Variants in PRM2 observed in about 807,000 individuals in gnomAD.
PRM2 encodes the protein protamine-2.
In PRM2, 6 loss-of-function variants were observed where a neutral mutation model predicts 10.7. That is an observed-to-expected ratio of 0.56 (90% CI 0.31 to 1.11). The LOEUF is 1.11. Among genes scored for constraint, PRM2 ranks in the 50% least tolerant of loss-of-function variants. PRM2 has a pLI of 0.06. For missense variants in PRM2, 194 were observed against 147.7 expected (o/e 1.31, Z -1.62); for synonymous variants, 64 against 54.8 (o/e 1.17, Z -0.74).
In PRM2 at chr16:11,275,807, G is replaced by C; in HGVS notation, c.*93C>G. On this transcript the variant is annotated 3_prime_UTR_variant, in exon 2 of 2. Transcript: ENST00000241808. ...TCTCTTAACTTCCAGCTGGGGGCTT[G>C]AGCATTTGATGTAGGGGAATTGCTA... is the stretch of plus-strand genomic sequence containing the variant. The C allele has an allele frequency of 3.1e-6, 5 of 1,601,072 alleles. No individual in the cohort carries two copies. Among genetic ancestry groups the C allele is most frequent in the Non-Finnish European group, 4.3e-6 (5 of 1,175,084 alleles).
chr16:11,276,129 G>C lies in PRM2; in HGVS notation c.242C>G (p.Ser81Cys), dbSNP rs150112990. The change falls in exon 1 of 2, where the codon TCC (serine) becomes TGC (cysteine). Residue 81 changes from serine to cysteine, a missense_variant. Ser to Cys is a moderately radical substitution (Grantham distance 112). Transcript: ENST00000241808. ...HRSCRRRKRR[S>C]CRHRRRHRRG... ...GCGATGCCTCCTCCGGTGCCTGCAG[G>C]AGCGTCTTTTGCGCCTTCTGCAGGA... is the stretch of plus-strand genomic sequence containing the variant. 2.5e-6 allele frequency: 4 copies of C among 1,612,900 alleles called. No homozygotes were observed. Among genetic ancestry groups the C allele is most frequent in the Middle Eastern group, 3.3e-4 (2 of 6,062 alleles).
Position 11,275,919 on chromosome 16 carries a change from C to A in PRM2, c.290G>T (p.Arg97Ile). ...RHRRGCRTRK[R>I]TCRRH ...GGAAGCTTAGTGCCTTCTGCATGTT[C>A]TCTTCCTGGTTCTGCAGCCTTTTGG... Residue 97 changes from arginine to isoleucine, a missense_variant, in exon 2 of 2, where the codon AGA becomes ATA. Coordinates refer to ENST00000241808, the MANE Select transcript of PRM2 (RefSeq NM_002762.4). 6.2e-7 allele frequency: 1 copy of A among 1,614,020 alleles called. No individual in the cohort carries two copies. The highest frequency in any genetic ancestry group is 8.5e-7 in the Non-Finnish European group (1 of 1,179,994).
rs997110743 is a variant in PRM2, at chr16:11,276,456, C to G, written c.-86G>C. 17 of 1,564,254 alleles carry G rather than the reference C, an allele frequency of 1.1e-5. No individual in the cohort carries two copies. Among genetic ancestry groups the G allele is most frequent in the African/African-American group, 2.7e-5 (2 of 73,924 alleles). On this transcript the variant is annotated 5_prime_UTR_variant, in exon 1 of 2. Transcript: ENST00000241808. ...GAGGGCGGAGGCCTGCCCACCTGCC[C>G]TTGGTGTTACTGTTGGTCTGGTCTG...
Position 11,276,317 on chromosome 16 carries a change from C to G in PRM2, c.54G>C (p.Arg18Ser). 2 of 1,614,260 alleles carry G rather than the reference C, an allele frequency of 1.2e-6. No individual in the cohort carries two copies. The highest frequency in any genetic ancestry group is 1.7e-6 in the Non-Finnish European group (2 of 1,180,046). ...CTTGCTCTTGCCCATGCAACTGCTG[C>G]CTGTACACCTCGTGCGAGCGTTCGC... The part of the protein sequence containing the change: ...SLSERSHEVY[R>S]QQLHGQEQGH... Residue 18 changes from arginine (R) to serine (S), a missense_variant, in exon 1 of 2, where the codon AGG becomes AGC. Transcript: ENST00000241808.
In PRM2 at chr16:11,276,267, C is replaced by T; in HGVS notation, c.104G>A (p.Gly35Glu). The T allele has an allele frequency of 6.2e-7, 1 of 1,614,274 alleles. No individual in the cohort carries two copies. Among genetic ancestry groups the T allele is most frequent in the Non-Finnish European group, 8.5e-7 (1 of 1,180,042 alleles). Residue 35 changes from glycine to glutamate, a missense_variant, in exon 1 of 2, where the codon GGG (glycine) becomes GAG (glutamate). By Grantham distance (98) the Gly-to-Glu change is moderately conservative (BLOSUM62 -2). Transcript: ENST00000241808. ...GACCTCGACGTGCTCCGGGCTCAGC[C>T]CTTGCTCCTCTTGGCCGTGGTGTCC... ...EQGHHGQEEQ[G>E]LSPEHVEVYE... is the part of the protein sequence containing the mutation.
intron 1 of PRM2, 79 bp downstream of exon 1, chr16:11,276,021 A>C: frequency 1.2e-6 from 2 of 1,608,852 alleles, no homozygotes; most frequent in South Asian, 2.2e-5. Flanking sequence ...AGCTTTTGTC[A>C]GGTGGGGTGG....
At position 11,276,266 on chromosome 16, in the gene PRM2, C is replaced by T; in HGVS notation, c.105G>A (p.Gly35=). The T allele has an allele frequency of 6.2e-7, 1 of 1,614,268 alleles. No individual in the cohort carries two copies. Among genetic ancestry groups the T allele is most frequent in the Non-Finnish European group, 8.5e-7 (1 of 1,180,046 alleles). ...AGACCTCGACGTGCTCCGGGCTCAG[C>T]CCTTGCTCCTCTTGGCCGTGGTGTC... ...EQGHHGQEEQ[G]LSPEHVEVYE... is the part of the protein sequence containing the mutation. The change falls in exon 1 of 2, where the codon GGG becomes GGA. Residue 35 remains glycine (G), a synonymous_variant. Coordinates refer to ENST00000241808, the MANE Select transcript of PRM2 (RefSeq NM_002762.4).
rs2069868038 is a variant in PRM2 at position 11,276,260 on chromosome 16, G to A, written c.111C>T (p.Ser37=). The A allele has an allele frequency of 4.3e-6, 7 of 1,614,130 alleles. No individual in the cohort carries two copies. The highest frequency in any genetic ancestry group is 5.1e-6 in the Non-Finnish European group (6 of 1,180,046). Residue 37 remains serine (S), a synonymous_variant, in exon 1 of 2, where the codon AGC becomes AGT. Coordinates refer to ENST00000241808, the MANE Select transcript of PRM2 (RefSeq NM_002762.4). The stretch of plus-strand genomic sequence containing the variant: ...TCTCGTAGACCTCGACGTGCTCCGG[G>A]CTCAGCCCTTGCTCCTCTTGGCCGT... ...GHHGQEEQGL[S]PEHVEVYERT... is the part of the protein sequence containing the mutation.
chr16:11,276,059 T>C (rs1597705687), intron 1 of PRM2, 41 bp downstream of exon 1: 1 of 1,610,910 alleles, frequency 6.2e-7, no homozygotes, highest in Non-Finnish European at 8.5e-7. Context: ...GTGCCTGGGG[T>C]GGTCAGGGAC....
chr16:11,275,802 G>T lies in PRM2; in HGVS notation c.*98C>A. 2 of 1,597,500 alleles carry T rather than the reference G, an allele frequency of 1.3e-6. No individual in the cohort carries two copies. The highest frequency in any genetic ancestry group is 1.7e-6 in the Non-Finnish European group (2 of 1,173,434). ...GACTTTCTCTTAACTTCCAGCTGGG[G>T]GCTTGAGCATTTGATGTAGGGGAAT... On this transcript the variant is annotated 3_prime_UTR_variant, in exon 2 of 2. Coordinates refer to ENST00000241808, the MANE Select transcript of PRM2 (RefSeq NM_002762.4).
rs781718931 is a variant in PRM2 at position 11,276,088 on chromosome 16, G to C, written c.271+12C>G. 6 of 1,610,028 alleles carry C rather than the reference G, an allele frequency of 3.7e-6. No individual in the cohort carries two copies. Among genetic ancestry groups the C allele is most frequent in the Non-Finnish European group, 1.7e-6 (2 of 1,179,592 alleles). On this transcript the variant is annotated intron_variant, in intron 1 of 1. Coordinates refer to ENST00000241808, the MANE Select transcript of PRM2 (RefSeq NM_002762.4). ...CAGGGACATGCAGGGCAAGGCGGGG[G>C]CGCAGGCAGACCTCTGCGATGCCTC... is the stretch of plus-strand genomic sequence containing the variant.
Position 11,275,928 on chromosome 16 carries a change from G to C in PRM2, c.281C>G (p.Thr94Ser). ...GTGCCTTCTGCATGTTCTCTTCCTG[G>C]TTCTGCAGCCTTTTGGGAAAGAAAG... ...HRRRHRRGCR[T>S]RKRTCRRH Residue 94 changes from threonine to serine, a missense_variant, in exon 2 of 2, where the codon ACC (threonine) becomes AGC (serine). By Grantham distance (58) the Thr-to-Ser change is moderately conservative. Transcript: ENST00000241808. The C allele has an allele frequency of 6.2e-7, 1 of 1,613,810 alleles. No individual in the cohort carries two copies. Among genetic ancestry groups the C allele is most frequent in the Non-Finnish European group, 8.5e-7 (1 of 1,179,958 alleles).
chr16:11,276,129 G>T lies in PRM2; in HGVS notation c.242C>A (p.Ser81Tyr). Residue 81 changes from serine (S) to tyrosine (Y), a missense_variant, in exon 1 of 2, where the codon TCC (serine) becomes TAC (tyrosine). Coordinates refer to ENST00000241808, the MANE Select transcript of PRM2 (RefSeq NM_002762.4). Reference sequence around the variant, plus strand: ...GCGATGCCTCCTCCGGTGCCTGCAGGAGCGTCTTTTGCGCCTTCTGCAGGA... The same window carrying T: ...GCGATGCCTCCTCCGGTGCCTGCAGTAGCGTCTTTTGCGCCTTCTGCAGGA... ...HRSCRRRKRR[S>Y]CRHRRRHRRG... 6.2e-7 allele frequency: 1 copy of T among 1,612,900 alleles called. No homozygotes were observed. Among genetic ancestry groups the T allele is most frequent in the Non-Finnish European group, 8.5e-7 (1 of 1,179,996 alleles).
Position 11,276,280 on chromosome 16 carries a change from G to T in PRM2, c.91C>A (p.Gln31Lys). The T allele has an allele frequency of 6.2e-7, 1 of 1,614,236 alleles. No individual in the cohort carries two copies. Among genetic ancestry groups the T allele is most frequent in the Non-Finnish European group, 8.5e-7 (1 of 1,180,042 alleles). The change falls in exon 1 of 2, where the codon CAA (glutamine) becomes AAA (lysine). Residue 31 changes from glutamine (Q) to lysine (K), a missense_variant. Physicochemically the swap from Gln to Lys is moderately conservative, Grantham distance 53 (BLOSUM62 1). Coordinates refer to ENST00000241808, the MANE Select transcript of PRM2 (RefSeq NM_002762.4). ...TCCGGGCTCAGCCCTTGCTCCTCTT[G>T]GCCGTGGTGTCCTTGCTCTTGCCCA... The part of the protein sequence containing the change: ...LHGQEQGHHG[Q>K]EEQGLSPEHV...
chr16:11,275,964 G>C, intron 1 of PRM2, 27 bp from the exon 2 acceptor site: 8 of 1,614,038 alleles, frequency 5.0e-6, no homozygotes, highest in East Asian at 2.2e-5. Flanking sequence ...TTCTGGTTGA[G>C]GGGGTCACCT....
rs371266573 is a variant in PRM2 at position 11,276,132 on chromosome 16, C to T, written c.239G>A (p.Arg80His). The change falls in exon 1 of 2, where the codon CGC becomes CAC. Residue 80 changes from arginine to histidine, a missense_variant. Arg to His is a conservative substitution (Grantham distance 29). Transcript: ENST00000241808. ...QHRSCRRRKR[R>H]SCRHRRRHRR... Reference sequence around the variant, plus strand: ...ATGCCTCCTCCGGTGCCTGCAGGAGCGTCTTTTGCGCCTTCTGCAGGAGCG... The same window carrying T: ...ATGCCTCCTCCGGTGCCTGCAGGAGTGTCTTTTGCGCCTTCTGCAGGAGCG... 7.4e-6 allele frequency: 12 copies of T among 1,612,994 alleles called. No homozygotes were observed. The highest frequency in any genetic ancestry group is 9.3e-6 in the Non-Finnish European group (11 of 1,180,008).
rs1182091271 is a variant in PRM2, at chr16:11,276,240, T to C, written c.131A>G (p.Tyr44Cys). The stretch of plus-strand genomic sequence containing the variant: ...GTGAGACTGGCCATGGGTCCTCTCG[T>C]AGACCTCGACGTGCTCCGGGCTCAG... ...QGLSPEHVEV[Y>C]ERTHGQSHYR... The change falls in exon 1 of 2, where the codon TAC (tyrosine) becomes TGC (cysteine). Residue 44 changes from tyrosine (Y) to cysteine (C), a missense_variant. Physicochemically the swap from Tyr to Cys is radical, Grantham distance 194. Coordinates refer to ENST00000241808, the MANE Select transcript of PRM2 (RefSeq NM_002762.4). 8 of 1,614,136 alleles carry C rather than the reference T, an allele frequency of 5.0e-6. No homozygotes were observed. The highest frequency in any genetic ancestry group is 6.8e-6 in the Non-Finnish European group (8 of 1,180,040).
Position 11,275,762 on chromosome 16 carries a change from G to A in PRM2, c.*138C>T, listed in dbSNP as rs2069845730. 1.3e-6 allele frequency: 2 copies of A among 1,554,176 alleles called. No individual in the cohort carries two copies. The highest frequency in any genetic ancestry group is 8.7e-7 in the Non-Finnish European group (1 of 1,145,206). On this transcript the variant is annotated 3_prime_UTR_variant, in exon 2 of 2. Transcript: ENST00000241808. Reference sequence around the variant, plus strand: ...GGGAGTTGCTATGGCCTCACTCGGTGTTTCTTGGGCAGGTGACTTTCTCTT... The same window carrying A: ...GGGAGTTGCTATGGCCTCACTCGGTATTTCTTGGGCAGGTGACTTTCTCTT...
chr16:11,276,222 T>C lies in PRM2; in HGVS notation c.149A>G (p.Gln50Arg). 2.5e-6 allele frequency: 4 copies of C among 1,614,242 alleles called. No individual in the cohort carries two copies. Among genetic ancestry groups the C allele is most frequent in the African/African-American group, 1.3e-5 (1 of 75,076 alleles). ...HVEVYERTHG[Q>R]SHYRRRHCSR... ...GCAGTGTCTGCGCCTATAGTGAGAC[T>C]GGCCATGGGTCCTCTCGTAGACCTC... Residue 50 changes from glutamine to arginine, a missense_variant, in exon 1 of 2, where the codon CAG (glutamine) becomes CGG (arginine). Transcript: ENST00000241808.
Sources: allele counts gnomAD v4.1 joint callset, GRCh38; gene constraint gnomAD v4.1.1; transcripts MANE v1.5; gene names NCBI Gene and HGNC (gene_info 2026-07-23, HGNC 2026-07-21).